The following ATP10B variants were observed in gnomAD, a reference collection of about 807,000 sequenced individuals.
ATP10B encodes phospholipid-transporting ATPase VB.
ATP10B carries 122 observed loss-of-function variants against 141.2 expected under a neutral mutation model. The observed-to-expected ratio is 0.86, with a 90% CI of 0.75 to 1.00. ATP10B has a LOEUF of 1.00. Among genes scored for constraint, ATP10B ranks in the 50% least tolerant of loss-of-function variants. ATP10B has a pLI of 0.00. For missense variants in ATP10B, 1,876 were observed against 1,825.3 expected (o/e 1.03, Z -0.51); for synonymous variants, 685 against 692.0 (o/e 0.99, Z 0.16).
chr5:160,640,513 G>A lies in ATP10B; in HGVS notation c.948C>T (p.Asp316=). 1 of 1,614,104 alleles carries A rather than the reference G, an allele frequency of 6.2e-7. No individual in the cohort carries two copies. The highest frequency in any genetic ancestry group is 8.5e-7 in the Non-Finnish European group (1 of 1,179,974). The part of the protein sequence containing the change: ...RSKIERRMNI[D]IFFCIGILIL... The stretch of plus-strand genomic sequence containing the variant: ...TGAGGATCCCAATGCAGAAGAAGAT[G>A]TCTATATTCATGCGCCGCTCAATCT... Residue 316 remains aspartate, a synonymous_variant, in exon 10 of 26, where the codon GAC becomes GAT. Transcript: ENST00000327245.
At chr5:160,806,385 C>T (rs1772771614) in intron 1 of ATP10B, among the ~76,000 whole-genome samples, 1 of 152,210 alleles carries the variant, frequency 6.6e-6, no homozygotes, top group African/African-American at 2.4e-5. Flanking sequence ...GAAAAACAAG[C>T]TAGCAGGCTG....
At chr5:160,775,185 G>T (rs111403497) in intron 2 of ATP10B, among the ~76,000 whole-genome samples, 1 of 152,180 alleles carries the variant, frequency 6.6e-6, no homozygotes, top group Non-Finnish European at 1.5e-5. Context: ...GTCTCCCCAG[G>T]CCATGCCTGT....
At chr5:160,748,941 A>G (rs899112474) in intron 2 of ATP10B, among the ~76,000 whole-genome samples, 2 of 152,084 alleles carry the variant, frequency 1.3e-5, no homozygotes, top group Non-Finnish European at 2.9e-5. Flanking sequence ...CGTATAAATG[A>G]CCTCTAATAT....
intron 1 of ATP10B, among the ~76,000 whole-genome samples, chr5:160,789,862 T>C (rs1771442425): frequency 6.6e-6 from 1 of 152,168 alleles, no homozygotes; most frequent in South Asian, 2.1e-4. Context: ...AGGACTTAGG[T>C]ATCTGTTAAC....
At chr5:160,585,177 T>C (rs1425305701) in intron 24 of ATP10B, among the ~76,000 whole-genome samples, 1 of 152,228 alleles carries the variant, frequency 6.6e-6, no homozygotes, top group East Asian at 1.9e-4. Context: ...TTCATATTTG[T>C]GTATCATTCT....
intron 10 of ATP10B, among the ~76,000 whole-genome samples, chr5:160,638,055 G>C (rs1052900929): frequency 2.6e-5 from 4 of 152,186 alleles, no homozygotes; most frequent in Non-Finnish European, 5.9e-5. Context: ...GGAGGGCCAG[G>C]GCAGAGTATT....
rs189306101 is a variant in ATP10B, at chr5:160,603,707, A to C, written c.3237+258T>G. On this transcript the variant is annotated intron_variant, in intron 20 of 25. Coordinates refer to ENST00000327245, the MANE Select transcript of ATP10B (RefSeq NM_025153.3). ...GAAATACAATTGTTAATGGCTCAAA[A>C]CCCACAAAATGTCTGTTTAAATGGG... 6.2e-6 allele frequency: 3 copies of C among 480,290 alleles called. No individual in the cohort carries two copies. The East Asian group carries it at 1.0e-4, about 16-fold the overall frequency. The allele number at this position is 480,290 out of a possible 1,614,324, so 29.8% of individuals were successfully genotyped here.
At chr5:160,745,861 C>T (rs956506534) in intron 2 of ATP10B, among the ~76,000 whole-genome samples, 2 of 152,160 alleles carry the variant, frequency 1.3e-5, no homozygotes, top group African/African-American at 4.8e-5. Flanking sequence ...TGGGCTGGGC[C>T]CAATTTGCAC....
At chr5:160,746,839 A>G (rs1767840101) in intron 2 of ATP10B, among the ~76,000 whole-genome samples, 1 of 152,204 alleles carries the variant, frequency 6.6e-6, no homozygotes, top group African/African-American at 2.4e-5. Flanking sequence ...CCTCAAAAGG[A>G]AATTGTGGCC....
the ATP10B span, among the ~76,000 whole-genome samples, chr5:160,906,689 C>T: frequency 3.3e-5 from 5 of 152,178 alleles, no homozygotes; most frequent in Admixed American, 6.5e-5. Context: ...GGAGTAGCCA[C>T]GGGGTACAAT....
rs762869851 is a variant in ATP10B at position 160,620,542 on chromosome 5, G to A, written c.2221C>T (p.Arg741Trp). 28 of 1,614,020 alleles carry A rather than the reference G, an allele frequency of 1.7e-5. No individual in the cohort carries two copies. The highest frequency in any genetic ancestry group is 1.6e-4 in the Middle Eastern group (1 of 6,082). Reference sequence around the variant, plus strand: ...CGCACAGTCACCTGCTCAGGTGTCCGGGACACTAGTGTGAAGCTGTAGGCA... The same window carrying A: ...CGCACAGTCACCTGCTCAGGTGTCCAGGACACTAGTGTGAAGCTGTAGGCA... ...AHAYSFTLVS[R>W]TPEQVTVRLP... The change falls in exon 15 of 26, where the codon CGG becomes TGG. Residue 741 changes from arginine to tryptophan, a missense_variant. Physicochemically the swap from Arg to Trp is moderately radical, Grantham distance 101. Transcript: ENST00000327245.
intron 2 of ATP10B, among the ~76,000 whole-genome samples, chr5:160,779,975 G>T (rs1770607387): frequency 6.6e-6 from 1 of 152,134 alleles, no homozygotes; most frequent in Admixed American, 6.5e-5. Flanking sequence ...TAACACTAAA[G>T]TTCAGGAAGC....
chr5:160,697,433 G>A (rs1050467598), intron 3 of ATP10B, among the ~76,000 whole-genome samples: 13 of 152,152 alleles, frequency 8.5e-5, no homozygotes, highest in Non-Finnish European at 1.5e-4. Context: ...CTGCTTGTAT[G>A]GAATCAGTTC....
At chr5:160,772,758 T>C (rs968350525) in intron 2 of ATP10B, among the ~76,000 whole-genome samples, 2 of 152,146 alleles carry the variant, frequency 1.3e-5, no homozygotes, top group African/African-American at 4.8e-5. Flanking sequence ...ATCCATGGCC[T>C]GGGGGTTGGG....
At chr5:160,628,009 T>C (rs1324752069) in intron 13 of ATP10B, among the ~76,000 whole-genome samples, 3 of 152,246 alleles carry the variant, frequency 2.0e-5, no homozygotes, top group African/African-American at 7.2e-5. Context: ...ATGGCAACAT[T>C]TTCCTGGTTG....
At chr5:160,784,138 T>A (rs777694890) in intron 2 of ATP10B, among the ~76,000 whole-genome samples, 3 of 152,146 alleles carry the variant, frequency 2.0e-5, no homozygotes, top group Non-Finnish European at 4.4e-5. Context: ...CAGAAAAGTC[T>A]TTCTGAAACT....
At chr5:160,686,308 G>A in intron 5 of ATP10B, 35 bp from the exon 6 acceptor site, 10 of 1,456,830 alleles carry the variant, frequency 6.9e-6, no homozygotes, top group Non-Finnish European at 9.2e-6. Flanking sequence ...TAAACACTAT[G>A]GAGAAGAAAA....
At chr5:160,860,016 ACT>A in the ATP10B span, among the ~76,000 whole-genome samples, 4 of 151,652 alleles carry the variant, frequency 2.6e-5, no homozygotes, top group African/African-American at 7.3e-5. Flanking sequence ...AATGTATATT[ACT>A]CTTTTTATTT....
intron 13 of ATP10B, among the ~76,000 whole-genome samples, chr5:160,627,728 G>A (rs1444614836): frequency 2.0e-5 from 3 of 152,234 alleles, no homozygotes; most frequent in South Asian, 2.1e-4. Flanking sequence ...ATGTCTACCT[G>A]TCTGTCTACA....
Sources: gnomAD v4.1 joint callset for allele counts (sites outside exome capture counted in the v4.1 genomes callset) on GRCh38, gnomAD v4.1.1 for gene constraint, MANE v1.5 for transcripts, NCBI Gene and HGNC (gene_info 2026-07-23, HGNC 2026-07-21) for gene names.